The following SKA2 variants were observed in gnomAD, a reference collection of about 807,000 sequenced individuals.
The protein encoded by SKA2 is spindle and kinetochore-associated protein 2.
A neutral mutation model predicts 16.9 loss-of-function variants in SKA2; 13 were observed. The ratio of observed to expected loss-of-function variants is 0.77; its 90% CI spans 0.50 to 1.22. The LOEUF (loss-of-function observed/expected upper bound fraction) is 1.22, where lower values mean the gene tolerates loss of function less well. Among genes scored for constraint, SKA2 ranks in the 50% most tolerant of loss-of-function variants. The probability of loss-of-function intolerance (pLI) is 0.00; values close to 1 mark genes in which losing one functional copy is unlikely to be tolerated. For synonymous variants in SKA2, 47 were observed against 48.5 expected, an observed-to-expected ratio of 0.97 and a Z score of 0.13; for missense variants, 107 against 139.7, an observed-to-expected ratio of 0.77 and a Z score of 1.18.
Position 59,110,283 on chromosome 17 carries a change from T to C in SKA2, c.*1994A>G, listed in dbSNP as rs1482201638. 3 of 151,998 alleles carry C rather than the reference T, an allele frequency of 2.0e-5. No individual in the cohort carries two copies. Among genetic ancestry groups the C allele is most frequent in the Non-Finnish European group, 2.9e-5 (2 of 67,998 alleles). 9.4% of individuals were successfully genotyped at this position (151,998 alleles called of 1,614,324 possible). On this transcript the variant is annotated 3_prime_UTR_variant, in exon 4 of 4. Coordinates refer to ENST00000330137, the MANE Select transcript of SKA2 (RefSeq NM_182620.4). ...ACTGAAGGAAATCATAGAGGAAAAATAGTACAATCTAATTTTTCTCCCTAA... is the reference window on the plus strand; with the variant it reads ...ACTGAAGGAAATCATAGAGGAAAAACAGTACAATCTAATTTTTCTCCCTAA...
chr17:59,126,598 A>G (rs2046374213), intron 2 of SKA2, among the ~76,000 whole-genome samples: 1 of 152,216 alleles, frequency 6.6e-6, no homozygotes, highest in Non-Finnish European at 1.5e-5. Context: ...ATGTTGGACA[A>G]ATCTACAAAG....
At chr17:59,140,613 A>T (rs186633650) in intron 1 of SKA2, among the ~76,000 whole-genome samples, 95 of 151,142 alleles carry the variant, frequency 6.3e-4, no homozygotes, top group African/African-American at 1.8e-3. Context: ...TGTACTATTT[A>T]TTTTTTTATT....
At chr17:59,112,966 T>G (rs1305387639) in intron 3 of SKA2, among the ~76,000 whole-genome samples, 1 of 151,902 alleles carries the variant, frequency 6.6e-6, no homozygotes, top group Non-Finnish European at 1.5e-5. Flanking sequence ...CAGGCTGGAG[T>G]GCAGTGGCAC....
At chr17:59,112,394 A>ATTTTTG in intron 3 of SKA2, 49 bp from the exon 4 acceptor site, 1 of 1,429,208 alleles carries the variant, frequency 7.0e-7, no homozygotes. Flanking sequence ...TCAAAGACTT[A>ATTTTTG]AATCAGTTTA....
chr17:59,109,861 A>C lies in SKA2; in HGVS notation c.*2416T>G, dbSNP rs1180618063. 1 of 152,242 alleles carries C rather than the reference A, an allele frequency of 6.6e-6. No homozygotes were observed. Among genetic ancestry groups the C allele is most frequent in the Non-Finnish European group, 1.5e-5 (1 of 68,042 alleles). 9.4% of individuals were successfully genotyped at this position (152,242 alleles called of 1,614,324 possible). On this transcript the variant is annotated 3_prime_UTR_variant, in exon 4 of 4. Transcript: ENST00000330137. Reference sequence around the variant, plus strand: ...TAAGACATAAAGACACTATAGTCACATAGGAGAAAACAATTATAATCCAAA... The same window carrying C: ...TAAGACATAAAGACACTATAGTCACCTAGGAGAAAACAATTATAATCCAAA...
chr17:59,145,477 T>A (rs2046525215), intron 1 of SKA2, among the ~76,000 whole-genome samples: 1 of 152,042 alleles, frequency 6.6e-6, no homozygotes, highest in African/African-American at 2.4e-5. Context: ...ATCTTTCAAG[T>A]CTCAGATTAT....
chr17:59,143,265 G>A lies in SKA2; in HGVS notation c.33+11866C>T, dbSNP rs371752076. Among the ~76,000 whole-genome samples the A allele has an allele frequency of 2.5e-4, 38 of 149,820 alleles. No homozygotes were observed. In the South Asian group the frequency reaches 7.8e-3, roughly 31 times the overall value. ...GTCACCCAGGCTGGAGTGCAGTGGT[G>A]CAATCTCAGCTCACTGCAACCTCCA... On this transcript the variant is annotated intron_variant, in intron 1 of 3. Coordinates refer to ENST00000330137, the MANE Select transcript of SKA2 (RefSeq NM_182620.4).
intron 1 of SKA2, among the ~76,000 whole-genome samples, chr17:59,136,250 C>T (rs1191471494): frequency 1.3e-5 from 2 of 151,990 alleles, no homozygotes; most frequent in Non-Finnish European, 2.9e-5. Flanking sequence ...GCAACCTCTA[C>T]CTCCCAGGTT....
intron 1 of SKA2, among the ~76,000 whole-genome samples, chr17:59,136,560 T>TG (rs1187322235): frequency 6.6e-6 from 1 of 151,504 alleles, no homozygotes; most frequent in African/African-American, 2.4e-5. Flanking sequence ...GCTTTTTTTT[T>TG]TTTGTTTGAG....
chr17:59,129,963 A>C, intron 2 of SKA2, among the ~76,000 whole-genome samples: 1 of 128,898 alleles, frequency 7.8e-6, no homozygotes, highest in East Asian at 2.7e-4. Flanking sequence ...GAGGGAAGGA[A>C]GGAAGGGAGG....
At chr17:59,153,276 T>C (rs543939016) in intron 1 of SKA2, among the ~76,000 whole-genome samples, 7 of 152,300 alleles carry the variant, frequency 4.6e-5, no homozygotes, top group Non-Finnish European at 8.8e-5. Context: ...AAGATAGTCT[T>C]AACATTTAAG....
At chr17:59,135,844 TA>T (rs1423855843) in intron 1 of SKA2, among the ~76,000 whole-genome samples, 2 of 148,610 alleles carry the variant, frequency 1.3e-5, no homozygotes, top group East Asian at 3.9e-4. Context: ...AATATATTTT[TA>T]AAAAATATAA....
At chr17:59,151,916 T>G (rs1280863096) in intron 1 of SKA2, 1 of 152,210 alleles carries the variant, frequency 6.6e-6, no homozygotes, top group Non-Finnish European at 1.5e-5. Flanking sequence ...AAATCTTAAA[T>G]AGAGGCAGAA....
chr17:59,154,962 CGGTTTAG>C, intron 1 of SKA2, 162 bp downstream of exon 1: 1 of 1,613,914 alleles, frequency 6.2e-7, no homozygotes, highest in Non-Finnish European at 8.5e-7. Context: ...TTACCCGAGG[CGGTTTAG>C]ACACCAGACG....
intron 1 of SKA2, among the ~76,000 whole-genome samples, chr17:59,153,060 A>G (rs565900428): frequency 6.6e-6 from 1 of 152,298 alleles, no homozygotes; most frequent in Non-Finnish European, 1.5e-5. Context: ...TGTTCACTTA[A>G]AAGAGAATTT....
chr17:59,144,734 A>T (rs895757433), intron 1 of SKA2, among the ~76,000 whole-genome samples: 2 of 152,190 alleles, frequency 1.3e-5, no homozygotes, highest in African/African-American at 4.8e-5. Context: ...TCATAGAGAC[A>T]GATAGTAGAA....
intron 1 of SKA2, among the ~76,000 whole-genome samples, chr17:59,141,116 C>T (rs1371277992): frequency 6.6e-6 from 1 of 151,848 alleles, no homozygotes; most frequent in South Asian, 2.1e-4. Flanking sequence ...TTATGTAATT[C>T]GGCTGGGCAC....
chr17:59,110,045 T>C lies in SKA2; in HGVS notation c.*2232A>G, dbSNP rs1465094238. Reference sequence around the variant, plus strand: ...TAATTCCAGACAACAGAATAGTGGCTATTAACAATAAAATCAGTAAGTATT... The same window carrying C: ...TAATTCCAGACAACAGAATAGTGGCCATTAACAATAAAATCAGTAAGTATT... On this transcript the variant is annotated 3_prime_UTR_variant, in exon 4 of 4. Transcript: ENST00000330137. The C allele has an allele frequency of 6.6e-6, 1 of 152,216 alleles. No homozygotes were observed. The highest frequency in any genetic ancestry group is 1.5e-5 in the Non-Finnish European group (1 of 68,030). The allele number at this position is 152,216 out of a possible 1,614,324, so 9.4% of individuals were successfully genotyped here. A position where few individuals can be genotyped will look rare whatever the true frequency, so the allele number is the denominator to read the frequency against.
At position 59,123,471 on chromosome 17, in the gene SKA2, C is replaced by T. The variant is rs540327221; in HGVS notation, c.121-3976G>A. On this transcript the variant is annotated intron_variant, in intron 2 of 3. Coordinates refer to ENST00000330137, the MANE Select transcript of SKA2 (RefSeq NM_182620.4). Reference sequence around the variant, plus strand: ...ACTCAGGAGGCTGAGGCAGGAGAATCGCTTGAACCTGGGAGGCGGAGGTTG... The same window carrying T: ...ACTCAGGAGGCTGAGGCAGGAGAATTGCTTGAACCTGGGAGGCGGAGGTTG... 6.8e-4 allele frequency among the ~76,000 whole-genome samples: 102 copies of T among 149,584 alleles called. 1 individual carries two copies. Among genetic ancestry groups the T allele is most frequent in the African/African-American group, 2.5e-3 (101 of 40,672 alleles).
Sources: allele counts gnomAD v4.1 joint callset (sites outside exome capture counted in the v4.1 genomes callset), GRCh38; gene constraint gnomAD v4.1.1; transcripts MANE v1.5; gene names NCBI Gene and HGNC (gene_info 2026-07-23, HGNC 2026-07-21).